Variants in BACH2 observed in about 807,000 individuals in gnomAD.
BACH2 encodes the protein transcription regulator protein BACH2.
In BACH2, 5 loss-of-function variants were observed where a neutral mutation model predicts 61.8. The observed-to-expected ratio is 0.08, with a 90% CI of 0.04 to 0.17. The LOEUF is 0.17. BACH2 is among the 10% of genes least tolerant of loss of function. The pLI, the probability that BACH2 is intolerant of heterozygous loss-of-function variation, is 1.00. For synonymous variants in BACH2, 446 were observed against 440.1 expected (o/e 1.01, Z -0.17); for missense variants, 824 against 1,091.1 (o/e 0.76, Z 3.45).
intron 6 of BACH2, among the ~76,000 whole-genome samples, chr6:90,006,877 T>G (rs548176392): frequency 6.6e-6 from 1 of 152,098 alleles, no homozygotes. Context: ...TTTGGCCTCC[T>G]GAAGTACCAG....
chr6:90,023,675 G>T (rs921092474), intron 5 of BACH2, among the ~76,000 whole-genome samples: 3 of 152,180 alleles, frequency 2.0e-5, no homozygotes, highest in Non-Finnish European at 4.4e-5. Context: ...GTATTTGGAG[G>T]TGGGGCCTTT....
At chr6:90,086,594 TG>T (rs779814774) in intron 5 of BACH2, among the ~76,000 whole-genome samples, 7 of 152,020 alleles carry the variant, frequency 4.6e-5, no homozygotes, top group Non-Finnish European at 8.8e-5. Context: ...TCCAAAGACA[TG>T]GGGAGTGATC....
At chr6:89,971,592 T>TA (rs1364002864) in intron 6 of BACH2, among the ~76,000 whole-genome samples, 1 of 152,130 alleles carries the variant, frequency 6.6e-6, no homozygotes, top group Non-Finnish European at 1.5e-5. Flanking sequence ...ATGCTGCTGA[T>TA]AAAGACATAC....
chr6:90,191,923 C>T (rs1446007876), intron 4 of BACH2, among the ~76,000 whole-genome samples: 1 of 152,140 alleles, frequency 6.6e-6, no homozygotes, highest in East Asian at 1.9e-4. Context: ...CGAATACTTG[C>T]TAAGATTTTG....
At chr6:90,230,725 T>A (rs1467516094) in intron 3 of BACH2, among the ~76,000 whole-genome samples, 1 of 152,210 alleles carries the variant, frequency 6.6e-6, no homozygotes, top group African/African-American at 2.4e-5. Context: ...TGTGGAGACC[T>A]GGCTCTGCCC....
chr6:90,030,458 A>G (rs1363870340), intron 5 of BACH2, among the ~76,000 whole-genome samples: 4 of 152,180 alleles, frequency 2.6e-5, no homozygotes, highest in Admixed American at 6.5e-5. Flanking sequence ...GACCGCTAGC[A>G]AGACTAATCA....
At chr6:90,218,186 C>G (rs1338739283) in intron 3 of BACH2, 1 of 152,180 alleles carries the variant, frequency 6.6e-6, no homozygotes, top group Admixed American at 6.5e-5. Flanking sequence ...TGTAAACCAG[C>G]CCCTTGGTAG....
chr6:90,253,250 A>T (rs1484228399), intron 2 of BACH2, among the ~76,000 whole-genome samples: 4 of 152,182 alleles, frequency 2.6e-5, no homozygotes, highest in Non-Finnish European at 5.9e-5. Context: ...GCCTCAAAAA[A>T]AAAAGGGAGG....
chr6:90,267,117 C>A (rs763408791), intron 2 of BACH2, among the ~76,000 whole-genome samples: 4 of 151,998 alleles, frequency 2.6e-5, no homozygotes, highest in Admixed American at 6.6e-5. Context: ...CTCCCCCCCA[C>A]CAAAAAACCC....
intron 3 of BACH2, among the ~76,000 whole-genome samples, chr6:90,214,111 T>A (rs1480051378): frequency 1.3e-5 from 2 of 152,190 alleles, no homozygotes; most frequent in African/African-American, 4.8e-5. Flanking sequence ...TAAGGAATCA[T>A]GCATTAAGTT....
intron 5 of BACH2, among the ~76,000 whole-genome samples, chr6:90,031,803 C>A (rs966410626): frequency 6.6e-6 from 1 of 152,152 alleles, no homozygotes; most frequent in Non-Finnish European, 1.5e-5. Flanking sequence ...AGATTCAGTG[C>A]CATCCCCATC....
chr6:90,218,750 GCT>G (rs1769632878), intron 3 of BACH2, among the ~76,000 whole-genome samples: 1 of 152,102 alleles, frequency 6.6e-6, no homozygotes, highest in Non-Finnish European at 1.5e-5. Flanking sequence ...AGATGAATGG[GCT>G]CAGCAGTTCC....
At chr6:90,138,376 G>C (rs935358761) in intron 4 of BACH2, among the ~76,000 whole-genome samples, 2 of 152,114 alleles carry the variant, frequency 1.3e-5, no homozygotes, top group African/African-American at 2.4e-5. Flanking sequence ...GGTGGCGTGT[G>C]CCTGTAGTCT....
At chr6:90,243,038 C>A (rs1019475639) in intron 3 of BACH2, among the ~76,000 whole-genome samples, 6 of 149,900 alleles carry the variant, frequency 4.0e-5, no homozygotes, top group Non-Finnish European at 5.9e-5. Context: ...CACCACCATG[C>A]CCGGCTAATT....
intron 5 of BACH2, among the ~76,000 whole-genome samples, chr6:90,073,691 C>T (rs1241212505): frequency 2.0e-5 from 3 of 152,128 alleles, no homozygotes; most frequent in Admixed American, 6.5e-5. Flanking sequence ...CTGCATTTTT[C>T]TGCCTTGCTG....
intron 3 of BACH2, among the ~76,000 whole-genome samples, chr6:90,239,062 T>C (rs912616844): frequency 6.6e-6 from 1 of 152,250 alleles, no homozygotes; most frequent in Non-Finnish European, 1.5e-5. Flanking sequence ...GGTTAGCTGC[T>C]GCACTGAATT....
intron 2 of BACH2, among the ~76,000 whole-genome samples, chr6:90,258,160 T>C (rs1771044674): frequency 6.6e-6 from 1 of 152,230 alleles, no homozygotes; most frequent in Non-Finnish European, 1.5e-5. Context: ...CCAGGAGCTA[T>C]TCCCCTATGT....
chr6:90,067,542 G>A (rs1328621344), intron 5 of BACH2, among the ~76,000 whole-genome samples: 1 of 152,190 alleles, frequency 6.6e-6, no homozygotes, highest in Admixed American at 6.5e-5. Flanking sequence ...ATTGGCCACA[G>A]CAACGGCAGG....
At chr6:89,946,589 G>A (rs181108104) in intron 7 of BACH2, among the ~76,000 whole-genome samples, 1,730 of 152,276 alleles carry the variant, frequency 0.011, 23 homozygotes, top group Middle Eastern at 0.048. Flanking sequence ...AATGAACTAC[G>A]ATTTACGAGA....
Sources: gnomAD v4.1 joint callset for allele counts (sites outside exome capture counted in the v4.1 genomes callset) on GRCh38, gnomAD v4.1.1 for gene constraint, MANE v1.5 for transcripts, NCBI Gene and HGNC (gene_info 2026-07-23, HGNC 2026-07-21) for gene names.